The following MMRN2 variants were observed in gnomAD, a reference collection of about 807,000 sequenced individuals.
MMRN2 encodes multimerin 2.
In MMRN2, 53 loss-of-function variants were observed where a neutral mutation model predicts 68.8. That is an observed-to-expected ratio of 0.77 (90% confidence interval 0.62 to 0.97). MMRN2 has a LOEUF of 0.97. MMRN2 is among the 50% of genes least tolerant of loss of function. MMRN2 has a pLI of 0.00. For missense variants in MMRN2, 1,266 were observed against 1,259.5 expected, an observed-to-expected ratio of 1.01 and a Z score of -0.08; for synonymous variants, 564 against 551.6, an observed-to-expected ratio of 1.02 and a Z score of -0.32.
At chr10:86,951,273 A>G (rs1284958222) in intron 1 of MMRN2, among the ~76,000 whole-genome samples, 1 of 152,194 alleles carries the variant, frequency 6.6e-6, no homozygotes, top group Non-Finnish European at 1.5e-5. Flanking sequence ...CCTAATCAGG[A>G]GATCAGCAAA....
At chr10:86,947,437 G>A (rs937646043) in intron 1 of MMRN2, among the ~76,000 whole-genome samples, 10 of 151,840 alleles carry the variant, frequency 6.6e-5, no homozygotes, top group Non-Finnish European at 1.3e-4. Context: ...GTGCAATCTC[G>A]GCTTGCTGCA....
At position 86,942,310 on chromosome 10, in the gene MMRN2, A is replaced by G; in HGVS notation, c.2467+7T>C. On this transcript the variant is annotated splice_region_variant and intron_variant, in intron 6 of 6. Transcript: ENST00000372027. ...GCTCGTCCAGTCTCCCCAGCCCAGG[A>G]ACTCACCTGCCTCCCAGAGCGCCGC... is the stretch of plus-strand genomic sequence containing the variant. 1 of 1,601,248 alleles carries G rather than the reference A, an allele frequency of 6.2e-7. No homozygotes were observed. Among genetic ancestry groups the G allele is most frequent in the East Asian group, 2.2e-5 (1 of 44,688 alleles).
chr10:86,952,653 GAGCAA>G (rs1248501187), intron 1 of MMRN2, among the ~76,000 whole-genome samples: 1 of 152,152 alleles, frequency 6.6e-6, no homozygotes, highest in Non-Finnish European at 1.5e-5. Flanking sequence ...GCAAAAAGCA[GAGCAA>G]AGATCATATG....
intron 6 of MMRN2, among the ~76,000 whole-genome samples, chr10:86,938,306 A>G (rs1353006229): frequency 6.6e-6 from 1 of 152,238 alleles, no homozygotes; most frequent in Non-Finnish European, 1.5e-5. Context: ...CCACACAACT[A>G]GTAAATTACC....
At chr10:86,954,426 A>C (rs545705593) in intron 1 of MMRN2, among the ~76,000 whole-genome samples, 2 of 152,298 alleles carry the variant, frequency 1.3e-5, no homozygotes, top group African/African-American at 2.4e-5. Context: ...AAATGCGAAG[A>C]AGCTGTGCCT....
intron 1 of MMRN2, among the ~76,000 whole-genome samples, chr10:86,955,889 A>T (rs1271266426): frequency 6.6e-6 from 1 of 151,974 alleles, no homozygotes; most frequent in African/African-American, 2.4e-5. Flanking sequence ...AACCCCAGAG[A>T]AGGACTGCGG....
In MMRN2 at chr10:86,942,559, C is replaced by A. The variant is rs1201477469; in HGVS notation, c.2225G>T (p.Arg742Leu). The A allele has an allele frequency of 6.2e-7, 1 of 1,612,988 alleles. No individual in the cohort carries two copies. The highest frequency in any genetic ancestry group is 1.3e-5 in the African/African-American group (1 of 75,074). Residue 742 changes from arginine (R) to leucine (L), a missense_variant, in exon 6 of 7, where the codon CGC (arginine) becomes CTC (leucine). Physicochemically the swap from Arg to Leu is moderately radical, Grantham distance 102 (BLOSUM62 -2). Coordinates refer to ENST00000372027, the MANE Select transcript of MMRN2 (RefSeq NM_024756.3). ...GLHNALFATQ[R>L]SLEQHQRLFH... is the part of the protein sequence containing the mutation. ...GAGCCGCTGGTGCTGCTCCAAGCTG[C>A]GCTGAGTGGCGAAGAGTGCGTTGTG...
At chr10:86,954,402 T>G (rs1230511855) in intron 1 of MMRN2, 2 of 152,592 alleles carry the variant, frequency 1.3e-5, no homozygotes, top group African/African-American at 4.8e-5. Context: ...GGCAAGGCCC[T>G]TCCCCCATCA....
Position 86,942,889 on chromosome 10 carries a change from A to AG in MMRN2, c.1894dup (p.Leu632ProfsTer15). ...GGCCACGCGGATCTGCTCGTAGCTC[A>AG]GGGGCAGCGGTCCCGGCGTCTGCTC... On this transcript the variant is annotated frameshift_variant, in exon 6 of 7. Transcript: ENST00000372027. LOFTEE classifies it high-confidence loss of function. 6.9e-7 allele frequency: 1 copy of AG among 1,449,792 alleles called. No homozygotes were observed. The allele number at this position is 1,449,792 out of a possible 1,614,324, so 89.8% of individuals were successfully genotyped here.
In MMRN2 at chr10:86,945,612, G is replaced by A. The variant is rs764051825; in HGVS notation, c.242C>T (p.Ser81Leu). ...AGCTCCCTGCGGACACGGCTGCTGCGAGTGGATGAGGAATTTCTCTGTTTT... is the reference window on the plus strand; with the variant it reads ...AGCTCCCTGCGGACACGGCTGCTGCAAGTGGATGAGGAATTTCTCTGTTTT... The part of the protein sequence containing the change: ...LCKTEKFLIH[S>L]QQPCPQGAPD... Residue 81 changes from serine to leucine, a missense_variant, in exon 2 of 7, where the codon TCG becomes TTG. Transcript: ENST00000372027. The A allele has an allele frequency of 6.4e-5, 104 of 1,612,970 alleles. 1 individual carries two copies. Among genetic ancestry groups the A allele is most frequent in the Non-Finnish European group, 7.5e-5 (89 of 1,179,656 alleles).
intron 5 of MMRN2, 34 bp downstream of exon 5, chr10:86,944,228 G>A (rs1430392769): frequency 7.5e-6 from 12 of 1,594,566 alleles, no homozygotes; most frequent in Non-Finnish European, 1.0e-5. Context: ...AATGTGACCA[G>A]GCTCTTCCTC....
intron 6 of MMRN2, among the ~76,000 whole-genome samples, chr10:86,938,990 C>T (rs906892135): frequency 6.6e-6 from 1 of 150,520 alleles, no homozygotes; most frequent in Non-Finnish European, 1.5e-5. Context: ...TGGAGAAATC[C>T]CATCTCTACT....
In MMRN2 at chr10:86,943,081, A is replaced by C. The variant is rs746334829; in HGVS notation, c.1703T>G (p.Val568Gly). The C allele has an allele frequency of 1.4e-6, 2 of 1,443,330 alleles. No homozygotes were observed. The highest frequency in any genetic ancestry group is 1.5e-5 in the African/African-American group (1 of 66,930). 89.4% of individuals were successfully genotyped at this position (1,443,330 alleles called of 1,614,324 possible). Reference sequence around the variant, plus strand: ...GCCCACCTCGTCATCCAGCGCCTGCACTTGGCTCCGGAGCCGCGACGTGGC... The same window carrying C: ...GCCCACCTCGTCATCCAGCGCCTGCCCTTGGCTCCGGAGCCGCGACGTGGC... ...RAATSRLRSQ[V>G]QALDDEVGAL... is the part of the protein sequence containing the mutation. Residue 568 changes from valine (V) to glycine (G), a missense_variant, in exon 6 of 7, where the codon GTG becomes GGG. Transcript: ENST00000372027. This position sits in a 1 kb window ranked among gnomAD's most constrained non-coding sequence, Gnocchi z 4.2.
intron 6 of MMRN2, among the ~76,000 whole-genome samples, chr10:86,938,079 C>T (rs2133673512): frequency 6.6e-6 from 1 of 152,278 alleles, no homozygotes; most frequent in East Asian, 1.9e-4. Flanking sequence ...GGTCTACAGG[C>T]ATACGCCATC....
intron 6 of MMRN2, among the ~76,000 whole-genome samples, chr10:86,940,972 G>A (rs1270814931): frequency 1.3e-5 from 2 of 152,364 alleles, no homozygotes; most frequent in East Asian, 1.9e-4. Context: ...GCAGGGACCA[G>A]CCATGGAGGG....
Position 86,936,723 on chromosome 10 carries a change from G to C in MMRN2, c.*20C>G, listed in dbSNP as rs528104154. 2 of 1,611,784 alleles carry C rather than the reference G, an allele frequency of 1.2e-6. No individual in the cohort carries two copies. Among genetic ancestry groups the C allele is most frequent in the East Asian group, 2.2e-5 (1 of 44,844 alleles). On this transcript the variant is annotated 3_prime_UTR_variant, in exon 7 of 7. Coordinates refer to ENST00000372027, the MANE Select transcript of MMRN2 (RefSeq NM_024756.3). ...AGAGCTGGGCGAGTCCATGATGTCTGATCAGATTGGGGCTGGGGTTCAGGT... is the reference window on the plus strand; with the variant it reads ...AGAGCTGGGCGAGTCCATGATGTCTCATCAGATTGGGGCTGGGGTTCAGGT...
Position 86,945,611 on chromosome 10 carries a change from C to T in MMRN2, c.243G>A (p.Ser81=), listed in dbSNP as rs370897288. 27 of 1,612,656 alleles carry T rather than the reference C, an allele frequency of 1.7e-5. No individual in the cohort carries two copies. Among genetic ancestry groups the T allele is most frequent in the East Asian group, 2.2e-5 (1 of 44,880 alleles). ...GAGCTCCCTGCGGACACGGCTGCTG[C>T]GAGTGGATGAGGAATTTCTCTGTTT... The part of the protein sequence containing the change: ...LCKTEKFLIH[S]QQPCPQGAPD... Residue 81 remains serine (S), a synonymous_variant, in exon 2 of 7, where the codon TCG becomes TCA. Transcript: ENST00000372027.
intron 6 of MMRN2, among the ~76,000 whole-genome samples, chr10:86,939,823 G>GTGTGTGTT (rs1457997203): frequency 9.6e-5 from 13 of 135,682 alleles, no homozygotes; most frequent in African/African-American, 3.6e-4. Flanking sequence ...GTGTGTGTGT[G>GTGTGTGTT]TGTGTGTGTG....
rs770779227 is a variant in MMRN2 at position 86,944,337 on chromosome 10, T to C, written c.580A>G (p.Ser194Gly). 3 of 1,614,046 alleles carry C rather than the reference T, an allele frequency of 1.9e-6. No individual in the cohort carries two copies. Among genetic ancestry groups the C allele is most frequent in the South Asian group, 2.2e-5 (2 of 91,066 alleles). Residue 194 changes from serine to glycine, a missense_variant, in exon 5 of 7, where the codon AGC becomes GGC. Transcript: ENST00000372027. Reference protein sequence around the residue: ...LQNDVHRVADSLPGLWKALPG... With the variant: ...LQNDVHRVADGLPGLWKALPG... Reference sequence around the variant, plus strand: ...AGGGCTTTCCACAGGCCTGGCAGGCTGTCTGCCACCCGGTGCACATCATTC... The same window carrying C: ...AGGGCTTTCCACAGGCCTGGCAGGCCGTCTGCCACCCGGTGCACATCATTC...
Sources: gnomAD v4.1 joint callset for allele counts (sites outside exome capture counted in the v4.1 genomes callset) on GRCh38, gnomAD v4.1.1 for gene constraint, Gnocchi (gnomAD v3.1) non-coding constraint, MANE v1.5 for transcripts, NCBI Gene and HGNC (gene_info 2026-07-23, HGNC 2026-07-21) for gene names.